RASAL2: variants seen among roughly 807,000 people sequenced by gnomAD.
The protein encoded by RASAL2 is ras GTPase-activating protein nGAP.
A neutral mutation model predicts 128.9 loss-of-function variants in RASAL2; 58 were observed. The observed-to-expected ratio is 0.45, with a 90% CI of 0.36 to 0.56. The LOEUF (loss-of-function observed/expected upper bound fraction) is 0.56. Ranked by LOEUF, RASAL2 falls within the 20% of genes least tolerant of loss-of-function variation. RASAL2 has a pLI of 0.00. For synonymous variants in RASAL2, 561 were observed against 580.8 expected (o/e 0.97, Z 0.49); for missense variants, 1,360 against 1,601.6 (o/e 0.85, Z 2.57).
At chr1:178,168,444 G>A (rs1661591660) in intron 1 of RASAL2, among the ~76,000 whole-genome samples, 1 of 151,796 alleles carries the variant, frequency 6.6e-6, no homozygotes, top group South Asian at 2.1e-4. Context: ...AATTTCTAGA[G>A]GATTGTTTTT....
intron 3 of RASAL2, among the ~76,000 whole-genome samples, chr1:178,373,293 G>GTTT (rs1571951183): frequency 7.6e-5 from 2 of 26,428 alleles, no homozygotes; most frequent in African/African-American, 1.7e-4. Context: ...TTTTTTTGCA[G>GTTT]TTTAGATGTA....
intron 1 of RASAL2, among the ~76,000 whole-genome samples, chr1:178,238,813 T>C (rs1206546477): frequency 6.6e-6 from 1 of 152,048 alleles, no homozygotes; most frequent in African/African-American, 2.4e-5. Context: ...TTGTCTGCAT[T>C]TCCAGGATGA....
intron 1 of RASAL2, among the ~76,000 whole-genome samples, chr1:178,271,422 A>G (rs1666253628): frequency 6.6e-6 from 1 of 152,216 alleles, no homozygotes; most frequent in African/African-American, 2.4e-5. Flanking sequence ...AAAGGAAGTG[A>G]AATTATATAT....
At chr1:178,272,847 G>T (rs1439141428) in intron 1 of RASAL2, among the ~76,000 whole-genome samples, 1 of 151,988 alleles carries the variant, frequency 6.6e-6, no homozygotes, top group Non-Finnish European at 1.5e-5. Context: ...AGAATCACTT[G>T]AACCCAGGAG....
chr1:178,407,787 TAAGG>T (rs1400376935), intron 4 of RASAL2, among the ~76,000 whole-genome samples: 1 of 152,204 alleles, frequency 6.6e-6, no homozygotes, highest in Admixed American at 6.5e-5. Context: ...CTCCCTGTCT[TAAGG>T]GAACGCAGCA....
chr1:178,445,725 C>G, intron 9 of RASAL2, 63 bp downstream of exon 9: 1 of 1,484,064 alleles, frequency 6.7e-7, no homozygotes, highest in Non-Finnish European at 9.0e-7. Flanking sequence ...TATTTCACCC[C>G]CATGAGACGA....
intron 14 of RASAL2, among the ~76,000 whole-genome samples, chr1:178,461,045 C>T (rs991935122): frequency 6.6e-6 from 1 of 152,094 alleles, no homozygotes; most frequent in African/African-American, 2.4e-5. Context: ...AACTCCTGAC[C>T]TCAAGTGATC....
At chr1:178,134,333 G>A (rs1434632340) in intron 1 of RASAL2, among the ~76,000 whole-genome samples, 3 of 151,770 alleles carry the variant, frequency 2.0e-5, no homozygotes, top group Non-Finnish European at 4.4e-5. Context: ...GGCCTAGAGT[G>A]AGTAGTCCCA....
At chr1:178,231,375 T>A (rs1440615565) in intron 1 of RASAL2, among the ~76,000 whole-genome samples, 1 of 152,216 alleles carries the variant, frequency 6.6e-6, no homozygotes, top group Non-Finnish European at 1.5e-5. Context: ...ACTGACTTTT[T>A]AAAAAATTGG....
intron 1 of RASAL2, among the ~76,000 whole-genome samples, chr1:178,235,917 G>A (rs1664212300): frequency 1.3e-5 from 2 of 152,280 alleles, no homozygotes; most frequent in African/African-American, 2.4e-5. Flanking sequence ...AGCAAATTAA[G>A]TGAATTTATA....
intron 6 of RASAL2, among the ~76,000 whole-genome samples, chr1:178,440,174 A>G (rs1372238609): frequency 6.6e-6 from 1 of 152,096 alleles, no homozygotes; most frequent in Non-Finnish European, 1.5e-5. Flanking sequence ...AGCCAGTTAC[A>G]AGTAAAATTC....
At chr1:178,173,135 T>A (rs1317429776) in intron 1 of RASAL2, among the ~76,000 whole-genome samples, 1 of 152,032 alleles carries the variant, frequency 6.6e-6, no homozygotes, top group Non-Finnish European at 1.5e-5. Flanking sequence ...TCCCCAGTGT[T>A]GTGGGGAGGA....
chr1:178,112,860 GTAAC>G (rs1437256555), intron 1 of RASAL2, among the ~76,000 whole-genome samples: 4 of 151,608 alleles, frequency 2.6e-5, no homozygotes, highest in African/African-American at 9.7e-5. Context: ...GTATACATAT[GTAAC>G]TAACCTGCAC....
At chr1:178,118,979 T>A (rs1229686967) in intron 1 of RASAL2, among the ~76,000 whole-genome samples, 2 of 152,166 alleles carry the variant, frequency 1.3e-5, no homozygotes, top group East Asian at 3.8e-4. Flanking sequence ...GTGGTTCTTC[T>A]GTCTCAGCCT....
chr1:178,186,912 C>A (rs1379979657), intron 1 of RASAL2, among the ~76,000 whole-genome samples: 1 of 151,980 alleles, frequency 6.6e-6, no homozygotes, highest in African/African-American at 2.4e-5. Flanking sequence ...CAGCCTCCAA[C>A]TCCTGGGCTC....
intron 1 of RASAL2, among the ~76,000 whole-genome samples, chr1:178,139,623 A>G (rs763183340): frequency 3.3e-5 from 5 of 152,050 alleles, no homozygotes; most frequent in Admixed American, 1.3e-4. Flanking sequence ...AAGAAACTGC[A>G]GGGAAGTTAT....
chr1:178,348,538 G>T (rs964296459), intron 3 of RASAL2, among the ~76,000 whole-genome samples: 4 of 152,138 alleles, frequency 2.6e-5, no homozygotes, highest in African/African-American at 9.7e-5. Context: ...GCCTCAAGCA[G>T]CCCTCCCATC....
At chr1:178,097,176 G>A (rs749979234) in intron 1 of RASAL2, among the ~76,000 whole-genome samples, 2 of 152,210 alleles carry the variant, frequency 1.3e-5, no homozygotes, top group African/African-American at 4.8e-5. Context: ...TAGAAGCTTA[G>A]AGTATTGGTT....
chr1:178,176,552 C>G (rs1661899746), intron 1 of RASAL2, among the ~76,000 whole-genome samples: 1 of 151,694 alleles, frequency 6.6e-6, no homozygotes, highest in Non-Finnish European at 1.5e-5. Context: ...TTAATACTTG[C>G]TTTGGACAGA....
Sources: allele counts gnomAD v4.1 joint callset (sites outside exome capture counted in the v4.1 genomes callset), GRCh38; gene constraint gnomAD v4.1.1; transcripts MANE v1.5; gene names NCBI Gene and HGNC (gene_info 2026-07-23, HGNC 2026-07-21).